Variants in NXPH1 observed in about 807,000 individuals in gnomAD.
The protein encoded by NXPH1 is neurexophilin 1.
A neutral mutation model predicts 23.7 loss-of-function variants in NXPH1; 5 were observed. The observed-to-expected ratio is 0.21, with a 90% CI of 0.11 to 0.44. The LOEUF (loss-of-function observed/expected upper bound fraction) is 0.44, where lower values mean the gene tolerates loss of function less well. NXPH1 is among the 20% of genes least tolerant of loss of function. NXPH1 has a pLI of 0.99. For synonymous variants in NXPH1, 144 were observed against 122.2 expected, an observed-to-expected ratio of 1.18 and a Z score of -1.18; for missense variants, 324 against 321.6, an observed-to-expected ratio of 1.01 and a Z score of -0.06.
At chr7:8,726,876 G>A (rs1255978982) in intron 2 of NXPH1, among the ~76,000 whole-genome samples, 1 of 151,994 alleles carries the variant, frequency 6.6e-6, no homozygotes, top group Non-Finnish European at 1.5e-5. Flanking sequence ...GGGTCAAATG[G>A]CGTTTCTAGT....
chr7:8,541,211 T>C (rs945758502), intron 2 of NXPH1, among the ~76,000 whole-genome samples: 14 of 151,606 alleles, frequency 9.2e-5, no homozygotes, highest in African/African-American at 3.1e-4. Flanking sequence ...AGTTTAGATA[T>C]GGAAGATACA....
Position 8,577,530 on chromosome 7 carries a change from C to G in NXPH1, c.54+141763C>G, listed in dbSNP as rs189939360. 3.8e-4 allele frequency among the ~76,000 whole-genome samples: 58 copies of G among 152,302 alleles called. No homozygotes were observed. In the South Asian group the frequency reaches 0.011, roughly 29 times the overall value. ...CCATTTGTTCCTTGGGCCACCCTTT[C>G]ATCTATTGATCTATGATTCCAGCCA... On this transcript the variant is annotated intron_variant, in intron 2 of 2. Coordinates refer to ENST00000405863, the MANE Select transcript of NXPH1 (RefSeq NM_152745.3).
intron 2 of NXPH1, among the ~76,000 whole-genome samples, chr7:8,574,395 G>A (rs578066060): frequency 1.7e-4 from 26 of 152,060 alleles, no homozygotes; most frequent in African/African-American, 4.1e-4. Context: ...ACTCTGACTC[G>A]AACTGACTTT....
intron 2 of NXPH1, among the ~76,000 whole-genome samples, chr7:8,499,645 T>TAATC (rs1817398137): frequency 6.6e-6 from 1 of 152,072 alleles, no homozygotes; most frequent in Admixed American, 6.6e-5. Flanking sequence ...CCAAATTCGG[T>TAATC]AATCAATACT....
At chr7:8,713,459 T>A (rs10233662) in intron 2 of NXPH1, among the ~76,000 whole-genome samples, 57,891 of 151,886 alleles carry the variant, frequency 0.38, 11,233 homozygotes, top group African/African-American at 0.44. Flanking sequence ...GGTGCCTTAG[T>A]TTGTTTGGTG....
intron 2 of NXPH1, among the ~76,000 whole-genome samples, chr7:8,728,550 G>T (rs557450745): frequency 3.9e-5 from 6 of 152,038 alleles, no homozygotes; most frequent in Admixed American, 2.0e-4. Flanking sequence ...TAGCATGAAG[G>T]GTTGTTGAAT....
intron 2 of NXPH1, among the ~76,000 whole-genome samples, chr7:8,468,358 G>T (rs1816817709): frequency 6.6e-6 from 1 of 152,062 alleles, no homozygotes; most frequent in South Asian, 2.1e-4. Flanking sequence ...GAAATTTAAA[G>T]CCTATTCACA....
chr7:8,647,069 C>T (rs778321293), intron 2 of NXPH1, among the ~76,000 whole-genome samples: 13 of 152,188 alleles, frequency 8.5e-5, no homozygotes, highest in Non-Finnish European at 1.2e-4. Flanking sequence ...GGCAGACAAT[C>T]GGACAGACAC....
chr7:8,667,732 T>A (rs1002768893), intron 2 of NXPH1, among the ~76,000 whole-genome samples: 1 of 152,154 alleles, frequency 6.6e-6, no homozygotes, highest in African/African-American at 2.4e-5. Flanking sequence ...TCTACCTAGA[T>A]TTGAAAAGTT....
At chr7:8,650,280 TA>T (rs943132361) in intron 2 of NXPH1, among the ~76,000 whole-genome samples, 36 of 152,180 alleles carry the variant, frequency 2.4e-4, no homozygotes, top group African/African-American at 8.0e-4. Flanking sequence ...ATGTAAAAAA[TA>T]AAAAGTTTTC....
chr7:8,451,629 C>T (rs935246318), intron 2 of NXPH1, among the ~76,000 whole-genome samples: 2 of 152,210 alleles, frequency 1.3e-5, no homozygotes, highest in Admixed American at 6.5e-5. Flanking sequence ...TATTCAGTGG[C>T]CAAGGCCATA....
At chr7:8,562,540 T>G (rs1373613466) in intron 2 of NXPH1, among the ~76,000 whole-genome samples, 1 of 151,764 alleles carries the variant, frequency 6.6e-6, no homozygotes, top group East Asian at 2.0e-4. Flanking sequence ...TTTTCTTTTC[T>G]TTAAACCGTA....
intron 2 of NXPH1, among the ~76,000 whole-genome samples, chr7:8,480,809 C>A (rs1176822698): frequency 2.0e-5 from 3 of 152,180 alleles, no homozygotes; most frequent in African/African-American, 4.8e-5. Context: ...CCCTCCCCAC[C>A]AAGCAATCCT....
At chr7:8,686,517 G>C (rs1821147217) in intron 2 of NXPH1, among the ~76,000 whole-genome samples, 1 of 152,098 alleles carries the variant, frequency 6.6e-6, no homozygotes, top group Non-Finnish European at 1.5e-5. Flanking sequence ...AGAAGCAGTG[G>C]AGAACTGTGG....
chr7:8,531,979 C>T (rs183577675), intron 2 of NXPH1, among the ~76,000 whole-genome samples: 15 of 152,234 alleles, frequency 9.9e-5, no homozygotes, highest in African/African-American at 3.6e-4. Context: ...ATAACTACTT[C>T]CCAAATGGAG....
At chr7:8,498,704 T>C (rs988039425) in intron 2 of NXPH1, among the ~76,000 whole-genome samples, 1 of 152,082 alleles carries the variant, frequency 6.6e-6, no homozygotes, top group African/African-American at 2.4e-5. Flanking sequence ...TTCAGCATGC[T>C]AGCAGTCAAT....
chr7:8,508,776 T>G (rs895586016), intron 2 of NXPH1, among the ~76,000 whole-genome samples: 2 of 152,078 alleles, frequency 1.3e-5, no homozygotes, highest in African/African-American at 4.8e-5. Flanking sequence ...AATGAATACA[T>G]AGCACAGTGA....
At chr7:8,720,390 A>G (rs1281567401) in intron 2 of NXPH1, among the ~76,000 whole-genome samples, 1 of 152,210 alleles carries the variant, frequency 6.6e-6, no homozygotes, top group African/African-American at 2.4e-5. Flanking sequence ...GGTTACTGGT[A>G]TCTACATCAC....
At chr7:8,705,405 G>C (rs1326911786) in intron 2 of NXPH1, among the ~76,000 whole-genome samples, 1 of 152,138 alleles carries the variant, frequency 6.6e-6, no homozygotes, top group Non-Finnish European at 1.5e-5. Context: ...TAAACTTCTG[G>C]AACTTTTCAT....
Sources: allele counts gnomAD v4.1 joint callset (sites outside exome capture counted in the v4.1 genomes callset), GRCh38; gene constraint gnomAD v4.1.1; transcripts MANE v1.5; gene names NCBI Gene and HGNC (gene_info 2026-07-23, HGNC 2026-07-21).